NOL4: variants seen among roughly 807,000 people sequenced by gnomAD.
NOL4 encodes the protein nucleolar protein 4, also known as cancer/testis antigen 125.
Under a neutral mutation model 75.9 loss-of-function variants are expected in NOL4, and 17 were observed. The ratio of observed to expected loss-of-function variants is 0.22; its 90% CI spans 0.15 to 0.34. The LOEUF (loss-of-function observed/expected upper bound fraction) is 0.34. Ranked by LOEUF, NOL4 falls within the 10% of genes least tolerant of loss-of-function variation. The probability of loss-of-function intolerance (pLI) is 1.00; values close to 1 mark genes in which losing one functional copy is unlikely to be tolerated. For missense variants in NOL4, 614 were observed against 793.5 expected, an observed-to-expected ratio of 0.77 and a Z score of 2.72; for synonymous variants, 292 against 289.9, an observed-to-expected ratio of 1.01 and a Z score of -0.07.
At chr18:33,938,153 G>T (rs917529890) in intron 9 of NOL4, among the ~76,000 whole-genome samples, 3 of 151,966 alleles carry the variant, frequency 2.0e-5, no homozygotes, top group Non-Finnish European at 2.9e-5. Context: ...TCGTGCAGCT[G>T]GTGGCCTTGC....
rs116755054 is a variant in NOL4, at chr18:33,951,889, C to A, written c.1428+5437G>T. ...TTATATACATTTCTCAGTTTATATG[C>A]CTATCTAGTTACAAACTAAAATGCA... On this transcript the variant is annotated intron_variant, in intron 8 of 10. Coordinates refer to ENST00000261592, the MANE Select transcript of NOL4 (RefSeq NM_003787.5). Among the ~76,000 whole-genome samples, 545 of 152,234 alleles carry A rather than the reference C, an allele frequency of 3.6e-3. 2 individuals are homozygous for A. The highest frequency in any genetic ancestry group is 0.012 in the African/African-American group (515 of 41,530).
chr18:33,954,769 C>T (rs1432193905), intron 8 of NOL4, among the ~76,000 whole-genome samples: 1 of 151,894 alleles, frequency 6.6e-6, no homozygotes, highest in Admixed American at 6.6e-5. Flanking sequence ...TTTAATATTG[C>T]TTGTTCAGGC....
intron 8 of NOL4, among the ~76,000 whole-genome samples, chr18:33,945,069 G>A (rs1483492344): frequency 6.6e-6 from 1 of 151,854 alleles, no homozygotes; most frequent in Non-Finnish European, 1.5e-5. Flanking sequence ...TTATTTGATT[G>A]TAGTTAGCAT....
intron 10 of NOL4, among the ~76,000 whole-genome samples, chr18:33,865,339 G>A (rs866780489): frequency 5.3e-5 from 8 of 151,912 alleles, no homozygotes; most frequent in South Asian, 4.2e-4. Context: ...TGAATATAAC[G>A]TAAATGCTAT....
In NOL4 at chr18:33,958,411, G is replaced by A; in HGVS notation, c.1064C>T (p.Ala355Val). 1 of 1,604,042 alleles carries A rather than the reference G, an allele frequency of 6.2e-7. No homozygotes were observed. Residue 355 changes from alanine (A) to valine (V), a missense_variant, in exon 7 of 11, where the codon GCA (alanine) becomes GTA (valine). By Grantham distance (64) the Ala-to-Val change is moderately conservative. Around this residue, in one of 9 missense-constraint regions of NOL4, gnomAD observed 196 missense variants for 167.9 expected, o/e 1.17. Coordinates refer to ENST00000261592, the MANE Select transcript of NOL4 (RefSeq NM_003787.5). ...EARENGSKSP[A>V]HSYSSYDSGK... is the part of the protein sequence containing the mutation. Reference sequence around the variant, plus strand: ...AGAGTCATAGCTGGAGTAACTATGTGCAGGAGACTGAAAAGAGAAGGTGAA... The same window carrying A: ...AGAGTCATAGCTGGAGTAACTATGTACAGGAGACTGAAAAGAGAAGGTGAA...
chr18:34,012,339 T>C (rs1219126711), intron 6 of NOL4, among the ~76,000 whole-genome samples: 1 of 151,868 alleles, frequency 6.6e-6, no homozygotes, highest in African/African-American at 2.4e-5. Context: ...AAATTTAGAT[T>C]GCAATATGAC....
intron 5 of NOL4, among the ~76,000 whole-genome samples, chr18:34,067,189 A>G (rs764427197): frequency 7.2e-5 from 11 of 152,328 alleles, no homozygotes; most frequent in Non-Finnish European, 1.2e-4. Flanking sequence ...TTGGAATATT[A>G]TATTTGAGCA....
At chr18:34,005,345 G>A (rs1357845674) in intron 6 of NOL4, among the ~76,000 whole-genome samples, 3 of 151,896 alleles carry the variant, frequency 2.0e-5, no homozygotes, top group African/African-American at 7.2e-5. Context: ...CCTGTTTTCT[G>A]GCTCTCTGCT....
intron 1 of NOL4, chr18:34,222,049 T>A: frequency 6.5e-7 from 1 of 1,535,494 alleles, no homozygotes; most frequent in Non-Finnish European, 8.7e-7. Flanking sequence ...GTCTCCTGCA[T>A]CAGATCTGCC....
intron 1 of NOL4, among the ~76,000 whole-genome samples, chr18:34,182,054 G>A (rs922917928): frequency 6.6e-6 from 1 of 151,290 alleles, no homozygotes; most frequent in Non-Finnish European, 1.5e-5. Context: ...TTCCATTCCT[G>A]GGTTTATATC....
rs542317158 is a variant in NOL4 at position 33,972,976 on chromosome 18, A to G, written c.1057-14558T>C. ...GACAGTTTCTTGAAATAACACAACA[A>G]TGAAGTTGGCCACATTCATTGACTG... On this transcript the variant is annotated intron_variant, in intron 6 of 10. Coordinates refer to ENST00000261592, the MANE Select transcript of NOL4 (RefSeq NM_003787.5). Among the ~76,000 whole-genome samples, 331 of 152,294 alleles carry G rather than the reference A, an allele frequency of 2.2e-3. 1 individual carries two copies. Among genetic ancestry groups the G allele is most frequent in the South Asian group, 3.3e-3 (16 of 4,822 alleles).
rs767337796 is a variant in NOL4, at chr18:33,957,418, G to A, written c.1336C>T (p.Arg446Ter). Residue 446 changes from arginine (R) to a stop codon, truncating the protein, a stop_gained, in exon 8 of 11, where the codon CGA (arginine) becomes TGA (stop). Coordinates refer to ENST00000261592, the MANE Select transcript of NOL4 (RefSeq NM_003787.5). LOFTEE classifies it high-confidence loss of function. The part of the protein sequence containing the change: ...KIQAIIDSCR[R>*]QFPEYQERAR... ...CGCTCTTGATACTCAGGGAATTGTC[G>A]CCTGCATGAGTCAATGATAGCCTGG... 3 of 1,613,570 alleles carry A rather than the reference G, an allele frequency of 1.9e-6. No homozygotes were observed. Among genetic ancestry groups the A allele is most frequent in the Non-Finnish European group, 1.7e-6 (2 of 1,179,704 alleles).
intron 6 of NOL4, among the ~76,000 whole-genome samples, chr18:33,995,818 A>G (rs866989101): frequency 6.6e-6 from 1 of 152,018 alleles, no homozygotes; most frequent in Middle Eastern, 3.4e-3. Flanking sequence ...ATTTGTATTC[A>G]TGAAGATTGG....
chr18:33,886,887 C>A (rs2064719849), intron 9 of NOL4, among the ~76,000 whole-genome samples: 1 of 135,744 alleles, frequency 7.4e-6, no homozygotes, highest in Admixed American at 7.6e-5. Flanking sequence ...ATCTATATAT[C>A]TAGATATATT....
chr18:33,885,236 C>G (rs1599741021), intron 9 of NOL4, among the ~76,000 whole-genome samples: 2 of 152,000 alleles, frequency 1.3e-5, no homozygotes, highest in African/African-American at 4.8e-5. Flanking sequence ...ACTAGAATGT[C>G]TAATTGTAAT....
chr18:34,076,434 T>C (rs910218692), intron 5 of NOL4, among the ~76,000 whole-genome samples: 1 of 152,190 alleles, frequency 6.6e-6, no homozygotes, highest in African/African-American at 2.4e-5. Context: ...TAAATGATTA[T>C]CTAACAATGT....
intron 8 of NOL4, among the ~76,000 whole-genome samples, chr18:33,952,481 T>C (rs1253169741): frequency 6.6e-6 from 1 of 152,172 alleles, no homozygotes; most frequent in African/African-American, 2.4e-5. Context: ...TACATATACA[T>C]ACATGATCAC....
chr18:33,878,142 T>C (rs1018325228), intron 10 of NOL4, among the ~76,000 whole-genome samples: 4 of 152,050 alleles, frequency 2.6e-5, no homozygotes, highest in African/African-American at 9.7e-5. Flanking sequence ...CTATGGAGAA[T>C]TGGTTGAAAG....
intron 10 of NOL4, among the ~76,000 whole-genome samples, chr18:33,869,159 C>T (rs1004847003): frequency 2.0e-4 from 30 of 151,582 alleles, no homozygotes; most frequent in Non-Finnish European, 3.8e-4. Flanking sequence ...AATAATATTA[C>T]AGCACATAAG....
Sources: allele counts gnomAD v4.1 joint callset (sites outside exome capture counted in the v4.1 genomes callset), GRCh38; gene constraint gnomAD v4.1.1; regional missense constraint gnomAD v4.1.1; transcripts MANE v1.5; gene names NCBI Gene and HGNC (gene_info 2026-07-23, HGNC 2026-07-21).